GABRB1: variants seen among roughly 807,000 people sequenced by gnomAD.
The protein encoded by GABRB1 is gamma-aminobutyric acid type A receptor subunit beta1.
In GABRB1, 17 loss-of-function variants were observed where a neutral mutation model predicts 51.6. That is an observed-to-expected ratio of 0.33 (90% confidence interval 0.23 to 0.49). The LOEUF (loss-of-function observed/expected upper bound fraction) is 0.49, where lower values mean the gene tolerates loss of function less well. GABRB1 is among the 20% of genes least tolerant of loss of function. The pLI, the probability that GABRB1 is intolerant of heterozygous loss-of-function variation, is 0.99. For missense variants in GABRB1, 410 were observed against 600.6 expected (o/e 0.68, Z 3.32); for synonymous variants, 247 against 218.9 (o/e 1.13, Z -1.14).
chr4:47,067,097 A>G (rs1320391821), intron 3 of GABRB1, among the ~76,000 whole-genome samples: 1 of 152,218 alleles, frequency 6.6e-6, no homozygotes, highest in African/African-American at 2.4e-5. Context: ...GACCAGGTAC[A>G]TTGTTAATGA....
chr4:47,077,426 T>C (rs1228238742), intron 3 of GABRB1, among the ~76,000 whole-genome samples: 1 of 152,192 alleles, frequency 6.6e-6, no homozygotes, highest in Non-Finnish European at 1.5e-5. Context: ...TGCAGCATAG[T>C]AGAAAAATAA....
chr4:47,013,270 A>G (rs1465892325), intron 1 of GABRB1, among the ~76,000 whole-genome samples: 1 of 152,060 alleles, frequency 6.6e-6, no homozygotes, highest in Non-Finnish European at 1.5e-5. Context: ...CACTTGTATT[A>G]TTGTTTTAAA....
intron 3 of GABRB1, among the ~76,000 whole-genome samples, chr4:47,103,735 A>G (rs1714825571): frequency 6.6e-6 from 1 of 151,968 alleles, no homozygotes; most frequent in South Asian, 2.1e-4. Flanking sequence ...TCTATAATAG[A>G]AAGTTTGAAT....
At chr4:47,191,627 C>T (rs1719443476) in intron 4 of GABRB1, among the ~76,000 whole-genome samples, 1 of 152,034 alleles carries the variant, frequency 6.6e-6, no homozygotes, top group Non-Finnish European at 1.5e-5. Flanking sequence ...TGTTTTCACT[C>T]AGATGATGGA....
intron 3 of GABRB1, among the ~76,000 whole-genome samples, chr4:47,156,748 T>C (rs1302799864): frequency 6.6e-6 from 1 of 151,924 alleles, no homozygotes; most frequent in Non-Finnish European, 1.5e-5. Flanking sequence ...GGGGGGCAGA[T>C]CACCTGAGGT....
chr4:47,178,762 A>T (rs1259031210), intron 4 of GABRB1, among the ~76,000 whole-genome samples: 1 of 152,136 alleles, frequency 6.6e-6, no homozygotes, highest in Non-Finnish European at 1.5e-5. Flanking sequence ...GCCAAATGAG[A>T]TGCCAAGAAC....
intron 5 of GABRB1, among the ~76,000 whole-genome samples, chr4:47,391,966 T>G (rs1366556238): frequency 2.0e-5 from 3 of 152,158 alleles, no homozygotes; most frequent in Non-Finnish European, 4.4e-5. Flanking sequence ...TGAAATATTC[T>G]GCATGGTATG....
At chr4:47,313,977 A>T (rs935426095) in intron 4 of GABRB1, among the ~76,000 whole-genome samples, 3 of 152,064 alleles carry the variant, frequency 2.0e-5, no homozygotes, top group African/African-American at 7.2e-5. Context: ...ATATTCCAAG[A>T]CGGAAGTTGT....
chr4:47,396,824 C>A (rs563207387), intron 5 of GABRB1, among the ~76,000 whole-genome samples: 8 of 152,104 alleles, frequency 5.3e-5, no homozygotes, highest in African/African-American at 1.9e-4. Flanking sequence ...ACGTGCTCAG[C>A]AAAATATGTT....
intron 4 of GABRB1, among the ~76,000 whole-genome samples, chr4:47,228,320 G>T (rs1347187235): frequency 6.6e-6 from 1 of 152,054 alleles, no homozygotes. Flanking sequence ...TAACATCAGG[G>T]TGGGTCAGGC....
intron 3 of GABRB1, among the ~76,000 whole-genome samples, chr4:47,062,503 A>G (rs912682666): frequency 2.0e-4 from 30 of 151,788 alleles, no homozygotes; most frequent in Non-Finnish European, 1.8e-4. Flanking sequence ...AGATTAGGCA[A>G]TTTATTTTAA....
chr4:47,366,683 C>G (rs2110014704), intron 5 of GABRB1, among the ~76,000 whole-genome samples: 1 of 152,106 alleles, frequency 6.6e-6, no homozygotes, highest in East Asian at 1.9e-4. Context: ...TTTCTTCTTG[C>G]CTTCTTCAGT....
At chr4:47,254,568 T>G (rs1722125906) in intron 4 of GABRB1, among the ~76,000 whole-genome samples, 1 of 151,704 alleles carries the variant, frequency 6.6e-6, no homozygotes, top group African/African-American at 2.4e-5. Flanking sequence ...GAGACGGGGT[T>G]TCACCGTGTT....
At position 47,341,678 on chromosome 4, in the gene GABRB1, AT is replaced by A. The variant is rs552378732; in HGVS notation, c.544+21477del. ...TTTTTAAAACTCTGACCTTCTAATC[AT>A]TTTTTTTCGCACTTGTAATTGTTTT... is the stretch of plus-strand genomic sequence containing the variant. On this transcript the variant is annotated intron_variant, in intron 5 of 8. Coordinates refer to ENST00000295454, the MANE Select transcript of GABRB1 (RefSeq NM_000812.4). Among the ~76,000 whole-genome samples the A allele has an allele frequency of 7.8e-3, 1,190 of 151,956 alleles. 21 individuals carry two copies. The highest frequency in any genetic ancestry group is 0.011 in the Non-Finnish European group (781 of 67,938).
rs149462004 is a variant in GABRB1 at position 47,270,049 on chromosome 4, T to C, written c.462-50078T>C. On this transcript the variant is annotated intron_variant, in intron 4 of 8. Transcript: ENST00000295454. ...ACTAGCTCAACCTAATTGGTCAGTC[T>C]TTTGCCTGCAATGCAGTTGTTAGTT... Among the ~76,000 whole-genome samples, 18 of 152,086 alleles carry C rather than the reference T, an allele frequency of 1.2e-4. No homozygotes were observed. In the East Asian group the frequency reaches 2.9e-3, roughly 25 times the overall value.
At chr4:47,102,971 TAGG>T (rs1397265308) in intron 3 of GABRB1, among the ~76,000 whole-genome samples, 1 of 151,946 alleles carries the variant, frequency 6.6e-6, no homozygotes, top group East Asian at 1.9e-4. Flanking sequence ...GAGGCAGGAA[TAGG>T]AGAAGATAAG....
intron 4 of GABRB1, among the ~76,000 whole-genome samples, chr4:47,196,660 G>A (rs1235097268): frequency 6.6e-6 from 1 of 152,174 alleles, no homozygotes; most frequent in Non-Finnish European, 1.5e-5. Flanking sequence ...ACTAGAATAC[G>A]TTTAGACATG....
rs866605286 is a variant in GABRB1 at position 47,364,003 on chromosome 4, A to G, written c.545-39315A>G. Among the ~76,000 whole-genome samples the G allele has an allele frequency of 5.9e-5, 9 of 152,334 alleles. No individual in the cohort carries two copies. In the South Asian group the frequency reaches 1.7e-3, roughly 28 times the overall value. ...TCAACAACAGTTCTAAGATCAAGGGAGGAAAGAAACTAATCTACTTCTCAT... is the reference window on the plus strand; with the variant it reads ...TCAACAACAGTTCTAAGATCAAGGGGGGAAAGAAACTAATCTACTTCTCAT... On this transcript the variant is annotated intron_variant, in intron 5 of 8. Coordinates refer to ENST00000295454, the MANE Select transcript of GABRB1 (RefSeq NM_000812.4).
In GABRB1 at chr4:47,242,045, C is replaced by T. The variant is rs1057300137; in HGVS notation, c.462-78082C>T. Among the ~76,000 whole-genome samples, 28 of 152,000 alleles carry T rather than the reference C, an allele frequency of 1.8e-4. 1 individual carries two copies. The highest frequency in any genetic ancestry group is 1.8e-3 in the Admixed American group (27 of 15,252). On this transcript the variant is annotated intron_variant, in intron 4 of 8. Transcript: ENST00000295454. ...ATGCTATCCCTTCCCCCTCCACCCA[C>T]CCCACGACAGGCCCCGGTGTGTGAT...
Sources: allele counts gnomAD v4.1 joint callset (sites outside exome capture counted in the v4.1 genomes callset), GRCh38; gene constraint gnomAD v4.1.1; transcripts MANE v1.5; gene names NCBI Gene and HGNC (gene_info 2026-07-23, HGNC 2026-07-21).